The following GPC6 variants were observed in gnomAD, a reference collection of about 807,000 sequenced individuals.
GPC6 encodes glypican 6.
A neutral mutation model predicts 55.2 loss-of-function variants in GPC6; 14 were observed. That is an observed-to-expected ratio of 0.25 (90% CI 0.17 to 0.40). GPC6 has a LOEUF of 0.40. Ranked by LOEUF, GPC6 falls within the 10% of genes least tolerant of loss-of-function variation. The probability of loss-of-function intolerance (pLI) is 1.00; values close to 1 mark genes in which losing one functional copy is unlikely to be tolerated. For synonymous variants in GPC6, 278 were observed against 259.6 expected (o/e 1.07, Z -0.68); for missense variants, 641 against 708.5 (o/e 0.90, Z 1.08).
chr13:93,292,584 A>G (rs1022603740), intron 1 of GPC6, among the ~76,000 whole-genome samples: 19 of 152,204 alleles, frequency 1.2e-4, no homozygotes, highest in Non-Finnish European at 5.9e-5. Context: ...GTCAAGCAGA[A>G]TAAACATATT....
intron 2 of GPC6, among the ~76,000 whole-genome samples, chr13:93,704,681 C>G (rs1882785428): frequency 1.3e-5 from 2 of 151,868 alleles, no homozygotes; most frequent in African/African-American, 4.8e-5. Context: ...TGTTACAGAA[C>G]CAAAGTGAGT....
chr13:93,785,222 G>A (rs1289684895), intron 2 of GPC6, among the ~76,000 whole-genome samples: 1 of 152,054 alleles, frequency 6.6e-6, no homozygotes, highest in Admixed American at 6.6e-5. Context: ...AAAGGTTTTT[G>A]ATTATCCAGA....
At chr13:93,332,412 T>G (rs1160352375) in intron 1 of GPC6, among the ~76,000 whole-genome samples, 1 of 152,106 alleles carries the variant, frequency 6.6e-6, no homozygotes, top group Non-Finnish European at 1.5e-5. Context: ...CCATTTTAAC[T>G]GGGGTGAGAT....
intron 3 of GPC6, among the ~76,000 whole-genome samples, chr13:93,880,046 G>C (rs1397237629): frequency 6.6e-6 from 1 of 151,220 alleles, no homozygotes; most frequent in Non-Finnish European, 1.5e-5. Flanking sequence ...AATGGCAATC[G>C]TTAAAAAGTC....
chr13:93,670,912 TAGAAACC>T (rs1399870408), intron 2 of GPC6, among the ~76,000 whole-genome samples: 1 of 152,218 alleles, frequency 6.6e-6, no homozygotes, highest in Non-Finnish European at 1.5e-5. Context: ...GGAAGGTGCT[TAGAAACC>T]ATTCCCTTTC....
rs933350513 is a variant in GPC6, at chr13:93,836,898, GAAGAA to G, written c.711+6359_711+6363del. Among the ~76,000 whole-genome samples, 15 of 152,208 alleles carry G rather than the reference GAAGAA, an allele frequency of 9.9e-5. No homozygotes were observed. In the East Asian group the frequency reaches 1.7e-3, roughly 18 times the overall value. On this transcript the variant is annotated intron_variant, in intron 3 of 8. Coordinates refer to ENST00000377047, the MANE Select transcript of GPC6 (RefSeq NM_005708.5). ...GTATAAGAAAGTCCAGGTGTCAGTAGAAGAAAAGAACATTTTCCCCTCTAGAACAG... is the reference window on the plus strand; with the variant it reads ...GTATAAGAAAGTCCAGGTGTCAGTAGAAGAACATTTTCCCCTCTAGAACAG...
At chr13:93,932,146 G>A (rs868068120) in intron 3 of GPC6, among the ~76,000 whole-genome samples, 1 of 152,216 alleles carries the variant, frequency 6.6e-6, no homozygotes, top group African/African-American at 2.4e-5. Context: ...GGACACATAG[G>A]TCAGATTAAT....
chr13:93,329,080 C>T (rs1381711914), intron 1 of GPC6, among the ~76,000 whole-genome samples: 1 of 152,116 alleles, frequency 6.6e-6, no homozygotes, highest in African/African-American at 2.4e-5. Flanking sequence ...TGTAAAATTT[C>T]CTCTCTTGGT....
intron 4 of GPC6, among the ~76,000 whole-genome samples, chr13:94,271,382 G>GCA (rs60762188): frequency 0.013 from 1,586 of 126,662 alleles, 11 homozygotes; most frequent in Middle Eastern, 0.024. Context: ...GCGCGCGCGC[G>GCA]CACACACACA....
At chr13:93,657,084 G>A (rs370110426) in intron 2 of GPC6, among the ~76,000 whole-genome samples, 42 of 151,880 alleles carry the variant, frequency 2.8e-4, no homozygotes, top group Non-Finnish European at 4.9e-4. Flanking sequence ...ATTTTTCATG[G>A]AATTAGAAAA....
At chr13:93,246,832 A>C (rs1468721596) in intron 1 of GPC6, among the ~76,000 whole-genome samples, 1 of 146,490 alleles carries the variant, frequency 6.8e-6, no homozygotes, top group Non-Finnish European at 1.5e-5. Context: ...CTATGCACAC[A>C]TTATAGGTAT....
intron 2 of GPC6, among the ~76,000 whole-genome samples, chr13:93,648,652 T>C (rs1200295375): frequency 6.6e-6 from 1 of 152,240 alleles, no homozygotes; most frequent in Non-Finnish European, 1.5e-5. Context: ...GATTATTGTA[T>C]TAACTTCTGA....
intron 3 of GPC6, among the ~76,000 whole-genome samples, chr13:93,841,357 T>A (rs983056390): frequency 6.6e-6 from 1 of 152,076 alleles, no homozygotes; most frequent in African/African-American, 2.4e-5. Context: ...AAGAGGGGGG[T>A]ATGTTATTAC....
chr13:93,912,087 A>G (rs1877014508), intron 3 of GPC6, among the ~76,000 whole-genome samples: 1 of 152,142 alleles, frequency 6.6e-6, no homozygotes, highest in South Asian at 2.1e-4. Flanking sequence ...CCCGTGAATG[A>G]TTTGTTTGTT....
intron 4 of GPC6, among the ~76,000 whole-genome samples, chr13:94,038,637 G>C (rs562285191): frequency 2.0e-5 from 3 of 151,858 alleles, no homozygotes; most frequent in African/African-American, 7.2e-5. Context: ...ATAATAGTAC[G>C]TACCTCTTAG....
intron 2 of GPC6, among the ~76,000 whole-genome samples, chr13:93,782,159 T>C (rs1293212472): frequency 6.6e-6 from 1 of 152,124 alleles, no homozygotes; most frequent in Non-Finnish European, 1.5e-5. Context: ...TTAGATTCCA[T>C]GTATGTGTGA....
At chr13:93,294,008 A>G (rs1411448518) in intron 1 of GPC6, among the ~76,000 whole-genome samples, 1 of 151,804 alleles carries the variant, frequency 6.6e-6, no homozygotes, top group Non-Finnish European at 1.5e-5. Flanking sequence ...CCTTGAGAAT[A>G]AGAACTTTGT....
chr13:94,026,226 A>G (rs1392218868), intron 3 of GPC6, among the ~76,000 whole-genome samples: 2 of 152,196 alleles, frequency 1.3e-5, no homozygotes, highest in African/African-American at 4.8e-5. Context: ...ATACTGGGTA[A>G]AATTAAGAAA....
Position 93,688,750 on chromosome 13 carries a change from GT to G in GPC6, c.320-141402del, listed in dbSNP as rs1222287407. ...CGTAGAGAAAGAAAGTAGAATAGAA[GT>G]TATAAAGTGCTGAGGGGAGGGCAGA... On this transcript the variant is annotated intron_variant, in intron 2 of 8. Coordinates refer to ENST00000377047, the MANE Select transcript of GPC6 (RefSeq NM_005708.5). Among the ~76,000 whole-genome samples the G allele has an allele frequency of 2.0e-5, 3 of 152,144 alleles. No homozygotes were observed. The East Asian group carries it at 5.8e-4, about 29-fold the overall frequency.
Sources: gnomAD v4.1 joint callset for allele counts (sites outside exome capture counted in the v4.1 genomes callset) on GRCh38, gnomAD v4.1.1 for gene constraint, MANE v1.5 for transcripts, NCBI Gene and HGNC (gene_info 2026-07-23, HGNC 2026-07-21) for gene names.